Variants in CELF2 observed in about 807,000 individuals in gnomAD.
CELF2 encodes the protein CUGBP Elav-like family member 2, also known as CUG triplet repeat RNA-binding protein 2.
CELF2 carries 8 observed loss-of-function variants against 62.6 expected under a neutral mutation model. The ratio of observed to expected loss-of-function variants is 0.13; its 90% CI spans 0.07 to 0.23. The LOEUF (loss-of-function observed/expected upper bound fraction) is 0.23. Ranked by LOEUF, CELF2 falls within the 10% of genes least tolerant of loss-of-function variation. The pLI is 1.00. For missense variants in CELF2, 333 were observed against 671.0 expected, an observed-to-expected ratio of 0.50 and a Z score of 5.56; for synonymous variants, 258 against 250.0, an observed-to-expected ratio of 1.03 and a Z score of -0.30.
intron 12 of CELF2, among the ~76,000 whole-genome samples, chr10:11,326,580 C>G (rs2095746436): frequency 6.6e-6 from 1 of 152,220 alleles, no homozygotes; most frequent in East Asian, 1.9e-4. Context: ...AGCCTGGACT[C>G]TGCCTCTTGT....
At chr10:10,877,514 G>C (rs999129544) in intron 1 of CELF2, among the ~76,000 whole-genome samples, 33 of 152,330 alleles carry the variant, frequency 2.2e-4, no homozygotes, top group African/African-American at 7.9e-4. Context: ...GAGAACATCA[G>C]ATATGCATTT....
At chr10:10,678,419 C>T in the CELF2 span, among the ~76,000 whole-genome samples, 1 of 152,108 alleles carries the variant, frequency 6.6e-6, no homozygotes, top group Non-Finnish European at 1.5e-5. Context: ...TATTTTGCAG[C>T]TGGTCTTTGC....
chr10:11,077,715 G>T (rs1271015019), intron 1 of CELF2, among the ~76,000 whole-genome samples: 1 of 152,168 alleles, frequency 6.6e-6, no homozygotes, highest in African/African-American at 2.4e-5. Context: ...ATACATTGAA[G>T]TACAGGGGTG....
intron 2 of CELF2, among the ~76,000 whole-genome samples, chr10:10,949,897 C>T (rs2135699536): frequency 6.6e-6 from 1 of 150,958 alleles, no homozygotes. Context: ...TCAGTTTTGG[C>T]TGAAAACCCT....
chr10:10,908,890 C>T (rs764885093), intron 1 of CELF2, among the ~76,000 whole-genome samples: 7 of 152,142 alleles, frequency 4.6e-5, no homozygotes, highest in African/African-American at 1.4e-4. Context: ...CAGATTCAGC[C>T]GATTCTCCTG....
chr10:11,134,518 G>C (rs1041556467), intron 1 of CELF2, among the ~76,000 whole-genome samples: 25 of 152,180 alleles, frequency 1.6e-4, no homozygotes, highest in Non-Finnish European at 2.5e-4. Context: ...TCTTGTGCTT[G>C]TCCTTCCAGT....
chr10:11,030,262 T>C (rs1219500743), intron 1 of CELF2: 1 of 152,260 alleles, frequency 6.6e-6, no homozygotes, highest in Non-Finnish European at 1.5e-5. Flanking sequence ...GAGTTTATAT[T>C]TTATCAATAA....
At chr10:10,875,178 A>T (rs1354070850) in intron 1 of CELF2, among the ~76,000 whole-genome samples, 6 of 152,216 alleles carry the variant, frequency 3.9e-5, no homozygotes, top group African/African-American at 7.2e-5. Flanking sequence ...ATTTAAAATA[A>T]AATCCGATAT....
intron 2 of CELF2, among the ~76,000 whole-genome samples, chr10:10,976,308 A>G (rs1215642427): frequency 6.6e-6 from 1 of 152,186 alleles, no homozygotes; most frequent in East Asian, 1.9e-4. Flanking sequence ...GACATTGCCA[A>G]AGTTACACAG....
At chr10:10,515,924 G>A in the CELF2 span, among the ~76,000 whole-genome samples, 3 of 152,182 alleles carry the variant, frequency 2.0e-5, no homozygotes, top group Non-Finnish European at 2.9e-5. Flanking sequence ...TTCTTGCTTA[G>A]TCATAAATGA....
the CELF2 span, among the ~76,000 whole-genome samples, chr10:10,782,104 C>T: frequency 3.3e-5 from 5 of 152,134 alleles, no homozygotes; most frequent in Admixed American, 6.5e-5. Flanking sequence ...CAGCATCCTC[C>T]AATTTTGGTA....
intron 1 of CELF2, among the ~76,000 whole-genome samples, chr10:11,147,706 T>A (rs2062542218): frequency 6.6e-6 from 1 of 152,228 alleles, no homozygotes. Flanking sequence ...AGAATTTAAG[T>A]TACAGAAACA....
the CELF2 span, among the ~76,000 whole-genome samples, chr10:10,667,033 G>A: frequency 6.6e-6 from 1 of 152,122 alleles, no homozygotes; most frequent in African/African-American, 2.4e-5. Context: ...TAAGTCAGTT[G>A]GGAATCATGA....
chr10:11,243,767 A>G lies in CELF2; in HGVS notation c.355-5386A>G, dbSNP rs960551545. Reference sequence around the variant, plus strand: ...CTGAAGATTTTTTTAGATACAGCCCATACTGTGTCTGAAAAATACTCACTC... The same window carrying G: ...CTGAAGATTTTTTTAGATACAGCCCGTACTGTGTCTGAAAAATACTCACTC... On this transcript the variant is annotated intron_variant, in intron 3 of 12. Transcript: ENST00000633077. This position sits in a 1 kb window ranked among gnomAD's most constrained non-coding sequence, Gnocchi z 4.1. Among the ~76,000 whole-genome samples, 5 of 152,250 alleles carry G rather than the reference A, an allele frequency of 3.3e-5. No homozygotes were observed. The highest frequency in any genetic ancestry group is 1.2e-4 in the African/African-American group (5 of 41,470).
the CELF2 span, among the ~76,000 whole-genome samples, chr10:10,609,204 G>T: frequency 6.6e-6 from 1 of 152,134 alleles, no homozygotes; most frequent in Non-Finnish European, 1.5e-5. Flanking sequence ...GTTAGCCAAG[G>T]CCACATGTGT....
At chr10:10,577,951 G>T in the CELF2 span, among the ~76,000 whole-genome samples, 1 of 152,174 alleles carries the variant, frequency 6.6e-6, no homozygotes, top group East Asian at 1.9e-4. Flanking sequence ...TTCCGCAATG[G>T]TTGAACTAGT....
the CELF2 span, among the ~76,000 whole-genome samples, chr10:10,719,251 C>A: frequency 2.0e-5 from 3 of 152,024 alleles, no homozygotes; most frequent in East Asian, 5.8e-4. Flanking sequence ...AGCCACCGCA[C>A]CCGGCCTATT....
the CELF2 span, among the ~76,000 whole-genome samples, chr10:10,552,844 A>G: frequency 6.6e-6 from 1 of 152,156 alleles, no homozygotes; most frequent in Non-Finnish European, 1.5e-5. Flanking sequence ...GCTTAAACAG[A>G]CATGTATTTC....
At chr10:11,074,842 G>T (rs1594686329) in intron 1 of CELF2, 1 of 152,078 alleles carries the variant, frequency 6.6e-6, no homozygotes, top group Admixed American at 6.5e-5. Flanking sequence ...CCCTGGTCTT[G>T]CCCAGCCATA....
Sources: gnomAD v4.1 joint callset for allele counts (sites outside exome capture counted in the v4.1 genomes callset) on GRCh38, gnomAD v4.1.1 for gene constraint, Gnocchi (gnomAD v3.1) non-coding constraint, MANE v1.5 for transcripts, NCBI Gene and HGNC (gene_info 2026-07-23, HGNC 2026-07-21) for gene names.